Variants in TRAM2 observed in about 807,000 individuals in gnomAD.
TRAM2 encodes translocation associated membrane protein 2, also known as translocating chain-associated membrane protein 2.
Under a neutral mutation model 51.0 loss-of-function variants are expected in TRAM2, and 12 were observed. That is an observed-to-expected ratio of 0.24 (90% CI 0.15 to 0.38). The LOEUF is 0.38. Among genes scored for constraint, TRAM2 ranks in the 10% least tolerant of loss-of-function variants. The probability of loss-of-function intolerance (pLI) is 1.00; values close to 1 mark genes in which losing one functional copy is unlikely to be tolerated. For missense variants in TRAM2, 361 were observed against 462.0 expected, an observed-to-expected ratio of 0.78 and a Z score of 2.00; for synonymous variants, 175 against 179.4, an observed-to-expected ratio of 0.98 and a Z score of 0.20.
intron 1 of TRAM2, among the ~76,000 whole-genome samples, chr6:52,543,363 T>A (rs1467460363): frequency 2.0e-5 from 3 of 152,232 alleles, no homozygotes; most frequent in Non-Finnish European, 4.4e-5. Flanking sequence ...CAAAATAATT[T>A]TCCAGAATAG....
chr6:52,535,332 C>T (rs1251123464), intron 2 of TRAM2, among the ~76,000 whole-genome samples: 7 of 152,200 alleles, frequency 4.6e-5, no homozygotes, highest in Admixed American at 6.5e-5. Context: ...GCGGTTAATG[C>T]TGCACCACTG....
intron 10 of TRAM2, 109 bp downstream of exon 10, chr6:52,504,482 G>A: frequency 2.0e-6 from 3 of 1,528,648 alleles, no homozygotes; most frequent in Middle Eastern, 4.8e-4. Flanking sequence ...AGGAGAAGCT[G>A]GCAGGATTGG....
chr6:52,562,807 T>C (rs1163902701), intron 1 of TRAM2, among the ~76,000 whole-genome samples: 1 of 152,184 alleles, frequency 6.6e-6, no homozygotes. Flanking sequence ...CATGTGGTGT[T>C]TGGTTTTGTG....
intron 1 of TRAM2, among the ~76,000 whole-genome samples, chr6:52,556,665 T>C (rs1324265467): frequency 6.6e-6 from 1 of 151,506 alleles, no homozygotes; most frequent in Non-Finnish European, 1.5e-5. Context: ...CAGTGGCTCA[T>C]GCCTGTAATC....
At chr6:52,556,731 C>T (rs1282643666) in intron 1 of TRAM2, among the ~76,000 whole-genome samples, 5 of 151,942 alleles carry the variant, frequency 3.3e-5, no homozygotes, top group Admixed American at 2.0e-4. Context: ...AGTTTGAGAC[C>T]GGCCTGGCCA....
intron 1 of TRAM2, among the ~76,000 whole-genome samples, chr6:52,573,055 C>T (rs539009436): frequency 6.6e-6 from 1 of 152,196 alleles, no homozygotes; most frequent in East Asian, 1.9e-4. Context: ...TTCTTTGCAG[C>T]TTTAGAGCCT....
chr6:52,526,066 G>A (rs1443784581), intron 2 of TRAM2, among the ~76,000 whole-genome samples: 1 of 151,774 alleles, frequency 6.6e-6, no homozygotes, highest in Admixed American at 6.6e-5. Context: ...CTGGTCTCCA[G>A]AACTGTGAGA....
chr6:52,568,676 T>C (rs74736166), intron 1 of TRAM2, among the ~76,000 whole-genome samples: 14,954 of 152,244 alleles, frequency 0.098, 1,336 homozygotes, highest in East Asian at 0.49. Flanking sequence ...TTGAGGTAGG[T>C]ACGTCCTTCT....
rs1295831186 is a variant in TRAM2, at chr6:52,501,352, T to C, written c.*1845A>G. On this transcript the variant is annotated 3_prime_UTR_variant, in exon 11 of 11. Transcript: ENST00000182527. The stretch of plus-strand genomic sequence containing the variant: ...AGTTACTGGGAAGCTAAAATTTATC[T>C]ATGATGTAAGTGACTTGGAGAAGGG... 1.3e-5 allele frequency: 2 copies of C among 152,206 alleles called. No individual in the cohort carries two copies. The highest frequency in any genetic ancestry group is 3.8e-4 in the East Asian group (2 of 5,198). The allele number at this position is 152,206 out of a possible 1,614,324, so 9.4% of individuals were successfully genotyped here. A position where few individuals can be genotyped will look rare whatever the true frequency, so the allele number is the denominator to read the frequency against.
intron 2 of TRAM2, among the ~76,000 whole-genome samples, chr6:52,521,726 TAAAAC>T (rs1766679380): frequency 2.7e-5 from 4 of 149,568 alleles, no homozygotes; most frequent in East Asian, 1.9e-4. Context: ...TAAAATAAAA[TAAAAC>T]AAAACAAAAT....
rs766240970 is a variant in TRAM2 at position 52,535,821 on chromosome 6, A to C, written c.146T>G (p.Phe49Cys). ...FEVTAKTAFLFILPQYNISVP... is the reference protein window; with the variant it reads ...FEVTAKTAFLCILPQYNISVP... ...GCTAATGTTATACTGAGGTAAAATA[A>C]ATAGAAAGGCAGTCTTGGCTGTGAC... is the stretch of plus-strand genomic sequence containing the variant. The change falls in exon 2 of 11, where the codon TTT becomes TGT. Residue 49 changes from phenylalanine to cysteine, a missense_variant. Physicochemically the swap from Phe to Cys is radical, Grantham distance 205. Transcript: ENST00000182527. The C allele has an allele frequency of 1.9e-6, 3 of 1,614,128 alleles. No individual in the cohort carries two copies. The East Asian group carries it at 6.7e-5, about 36-fold the overall frequency.
intron 6 of TRAM2, 56 bp downstream of exon 6, chr6:52,508,178 C>A: frequency 6.6e-7 from 1 of 1,514,898 alleles, no homozygotes; most frequent in Non-Finnish European, 9.1e-7. Context: ...CTGGGAATAG[C>A]AGGAGGGGAG....
intron 1 of TRAM2, among the ~76,000 whole-genome samples, chr6:52,549,106 G>A (rs1767261685): frequency 6.6e-6 from 1 of 152,160 alleles, no homozygotes; most frequent in Non-Finnish European, 1.5e-5. Context: ...TAGTCATAAC[G>A]GCTTTACGGG....
intron 10 of TRAM2, among the ~76,000 whole-genome samples, chr6:52,503,741 G>A (rs1350201055): frequency 6.6e-6 from 1 of 152,196 alleles, no homozygotes; most frequent in East Asian, 1.9e-4. Flanking sequence ...ACAAGAGGCT[G>A]TAGGAACAAG....
At chr6:52,545,612 C>CA (rs1767184899) in intron 1 of TRAM2, among the ~76,000 whole-genome samples, 1 of 151,570 alleles carries the variant, frequency 6.6e-6, no homozygotes, top group African/African-American at 2.4e-5. Flanking sequence ...ACCCCACCCC[C>CA]ACCTATTGCA....
At chr6:52,542,861 A>G (rs552179673) in intron 1 of TRAM2, among the ~76,000 whole-genome samples, 4 of 152,366 alleles carry the variant, frequency 2.6e-5, no homozygotes, top group Admixed American at 2.6e-4. Context: ...AAGGGTTTAA[A>G]AAATCTTTGA....
rs1767547313 is a variant in TRAM2 at position 52,563,920 on chromosome 6, T to G, written c.120+12876A>C. Among the ~76,000 whole-genome samples, 4 of 148,794 alleles carry G rather than the reference T, an allele frequency of 2.7e-5. 1 individual carries two copies. The highest frequency in any genetic ancestry group is 9.9e-5 in the African/African-American group (4 of 40,418). On this transcript the variant is annotated intron_variant, in intron 1 of 10. Coordinates refer to ENST00000182527, the MANE Select transcript of TRAM2 (RefSeq NM_012288.4). The stretch of plus-strand genomic sequence containing the variant: ...TATTCCAAAAAAAAAAAATTTAAGC[T>G]TTAAAAGGCTAAGATTATAGGCTCT...
intron 2 of TRAM2, among the ~76,000 whole-genome samples, chr6:52,533,688 T>C (rs1025817027): frequency 6.6e-6 from 1 of 152,216 alleles, no homozygotes; most frequent in African/African-American, 2.4e-5. Context: ...ATATCCTCCA[T>C]GAGCCACAGG....
At chr6:52,550,683 C>T (rs1307371412) in intron 1 of TRAM2, among the ~76,000 whole-genome samples, 1 of 152,130 alleles carries the variant, frequency 6.6e-6, no homozygotes, top group African/African-American at 2.4e-5. Flanking sequence ...TCCCGAATAG[C>T]TAGGATTACA....
Sources: allele counts gnomAD v4.1 joint callset (sites outside exome capture counted in the v4.1 genomes callset), GRCh38; gene constraint gnomAD v4.1.1; transcripts MANE v1.5; gene names NCBI Gene and HGNC (gene_info 2026-07-23, HGNC 2026-07-21).